ACACA: variants seen among roughly 807,000 people sequenced by gnomAD.
ACACA encodes acetyl-CoA carboxylase 1.
In ACACA, 103 loss-of-function variants were observed where a neutral mutation model predicts 296.1. The ratio of observed to expected loss-of-function variants is 0.35; its 90% CI spans 0.30 to 0.41. The LOEUF is 0.41. ACACA is among the 10% of genes least tolerant of loss of function. ACACA has a pLI of 1.00. For missense variants in ACACA, 1,554 were observed against 2,989.7 expected (o/e 0.52, Z 11.20); for synonymous variants, 953 against 1,038.6 (o/e 0.92, Z 1.58).
At chr17:37,098,777 G>A (rs374332237) in intron 52 of ACACA, among the ~76,000 whole-genome samples, 28 of 152,302 alleles carry the variant, frequency 1.8e-4, no homozygotes, top group African/African-American at 3.1e-4. Context: ...CACTGCGCAC[G>A]GTACCCTGAC....
intron 21 of ACACA, among the ~76,000 whole-genome samples, 169 bp downstream of exon 21, chr17:37,244,419 T>C (rs577738242): frequency 2.0e-5 from 3 of 151,390 alleles, no homozygotes; most frequent in African/African-American, 7.3e-5. Flanking sequence ...ATGACAAGGA[T>C]AAGAAACATG....
intron 45 of ACACA, among the ~76,000 whole-genome samples, chr17:37,148,613 T>A (rs1421925849): frequency 6.6e-6 from 1 of 152,240 alleles, no homozygotes; most frequent in Non-Finnish European, 1.5e-5. Flanking sequence ...GGAGTAAACA[T>A]AATATCTGAT....
chr17:37,237,897 G>C (rs968002762), intron 24 of ACACA, among the ~76,000 whole-genome samples: 6 of 152,050 alleles, frequency 3.9e-5, no homozygotes, highest in African/African-American at 1.2e-4. Context: ...AAGAAGCTAG[G>C]ACTACAGGCA....
chr17:37,258,381 G>C lies in ACACA; in HGVS notation c.1501-8C>G. 3 of 1,613,520 alleles carry C rather than the reference G, an allele frequency of 1.9e-6. No homozygotes were observed. Among genetic ancestry groups the C allele is most frequent in the Non-Finnish European group, 2.5e-6 (3 of 1,179,534 alleles). ...AGGAATCCCCATGGCAATCTGAAAG[G>C]TAATAAAACACACATCTTTAATTTT... On this transcript the variant is annotated splice_polypyrimidine_tract_variant and splice_region_variant and intron_variant, in intron 12 of 55. Transcript: ENST00000616317.
chr17:37,279,214 A>G (rs1190556925), intron 5 of ACACA, among the ~76,000 whole-genome samples: 3 of 152,214 alleles, frequency 2.0e-5, no homozygotes, highest in African/African-American at 7.2e-5. Context: ...TCTACTAAAA[A>G]AAATTCCGCT....
chr17:37,087,252 G>T lies in ACACA; in HGVS notation c.*64C>A. ...GTGCCTTCTCATTACAGTGGTTACAGTTGTAAAAGGCAGCTCTAGCCCTTT... is the reference window on the plus strand; with the variant it reads ...GTGCCTTCTCATTACAGTGGTTACATTTGTAAAAGGCAGCTCTAGCCCTTT... On this transcript the variant is annotated 3_prime_UTR_variant, in exon 56 of 56. Transcript: ENST00000616317. 6.2e-7 allele frequency: 1 copy of T among 1,608,840 alleles called. No individual in the cohort carries two copies. Among genetic ancestry groups the T allele is most frequent in the East Asian group, 2.2e-5 (1 of 44,864 alleles).
In ACACA at chr17:37,277,071, A is replaced by C. The variant is rs760038623; in HGVS notation, c.764T>G (p.Leu255Arg). 6.2e-7 allele frequency: 1 copy of C among 1,614,142 alleles called. No homozygotes were observed. Among genetic ancestry groups the C allele is most frequent in the Non-Finnish European group, 8.5e-7 (1 of 1,179,998 alleles). The change falls in exon 7 of 56, where the codon CTA (leucine) becomes CGA (arginine). Residue 255 changes from leucine to arginine, a missense_variant. By Grantham distance (102) the Leu-to-Arg change is moderately radical (BLOSUM62 -2). Coordinates refer to ENST00000616317, the MANE Select transcript of ACACA (RefSeq NM_198834.3). ...GCCATTTTTCAAGAGAAGTTCCGGT[A>C]GTTTGGGATTCTCAGAAGCATGACC... The part of the protein sequence containing the change: ...GWGHASENPK[L>R]PELLLKNGIA...
At position 37,297,267 on chromosome 17, in the gene ACACA, C is replaced by A. The variant is rs560470070; in HGVS notation, c.339-12297G>T. On this transcript the variant is annotated intron_variant, in intron 3 of 55. Transcript: ENST00000616317. ...GACCAGTCTGACCAACATGGAGAAACCCCATCTCTACTAAAAATACAAAAT... is the reference window on the plus strand; with the variant it reads ...GACCAGTCTGACCAACATGGAGAAAACCCATCTCTACTAAAAATACAAAAT... Among the ~76,000 whole-genome samples, 5 of 151,072 alleles carry A rather than the reference C, an allele frequency of 3.3e-5. No homozygotes were observed. In the East Asian group the frequency reaches 8.2e-4, roughly 25 times the overall value.
chr17:37,232,259 A>G (rs1185830893), intron 25 of ACACA, among the ~76,000 whole-genome samples: 1 of 152,190 alleles, frequency 6.6e-6, no homozygotes, highest in Non-Finnish European at 1.5e-5. Context: ...AAAGCATACT[A>G]TCAACATTCC....
intron 3 of ACACA, among the ~76,000 whole-genome samples, chr17:37,291,728 C>CCATT (rs1482836517): frequency 6.6e-6 from 1 of 152,120 alleles, no homozygotes; most frequent in Admixed American, 6.5e-5. Context: ...GTCATACTAA[C>CCATT]CATTACAAAT....
At chr17:37,161,181 G>A (rs1304166785) in intron 42 of ACACA, among the ~76,000 whole-genome samples, 4 of 152,244 alleles carry the variant, frequency 2.6e-5, no homozygotes, top group African/African-American at 9.6e-5. Context: ...GAAACACAAG[G>A]AGCAGTATGG....
chr17:37,174,681 C>T (rs552753290), intron 41 of ACACA, among the ~76,000 whole-genome samples: 64 of 151,974 alleles, frequency 4.2e-4, no homozygotes, highest in South Asian at 8.3e-4. Flanking sequence ...TACAGGCACC[C>T]GCCACCACGC....
At chr17:37,198,838 T>C (rs1487710296) in intron 35 of ACACA, among the ~76,000 whole-genome samples, 1 of 152,164 alleles carries the variant, frequency 6.6e-6, no homozygotes, top group Non-Finnish European at 1.5e-5. Context: ...ATAAAAGCAA[T>C]CACACATAGG....
chr17:37,268,745 A>ATCTATCTATC lies in ACACA; in HGVS notation c.1119+2005_1119+2006insGATAGATAGA, dbSNP rs750854724. 1.6e-3 allele frequency among the ~76,000 whole-genome samples: 186 copies of ATCTATCTATC among 113,014 alleles called. 1 individual carries two copies. The highest frequency in any genetic ancestry group is 5.3e-3 in the African/African-American group (177 of 33,164). The allele number at this position is 113,014 out of a possible 152,430, so 74.1% of individuals were successfully genotyped here. On this transcript the variant is annotated intron_variant, in intron 10 of 55. Transcript: ENST00000616317. ...TCTATCTATCTATCTATCTATCTAT[A>ATCTATCTATC]TATATATATATATATATATATATCT...
chr17:37,373,180 AC>A (rs2049868217), intron 1 of ACACA, among the ~76,000 whole-genome samples: 1 of 151,022 alleles, frequency 6.6e-6, no homozygotes, highest in African/African-American at 2.4e-5. Flanking sequence ...TGCCCGGCCT[AC>A]TCCTGGATAT....
intron 2 of ACACA, among the ~76,000 whole-genome samples, chr17:37,334,485 C>T (rs981675943): frequency 1.6e-4 from 25 of 152,050 alleles, no homozygotes; most frequent in Non-Finnish European, 1.3e-4. Flanking sequence ...TCTACCCTAA[C>T]GGCAGTTAAA....
intron 11 of ACACA, among the ~76,000 whole-genome samples, chr17:37,262,104 G>T (rs2081540475): frequency 6.6e-6 from 1 of 152,080 alleles, no homozygotes. Flanking sequence ...TAGGAAAAAG[G>T]ATAAAGGGAT....
chr17:37,134,480 A>AT (rs1446123131), intron 45 of ACACA, among the ~76,000 whole-genome samples: 9 of 152,176 alleles, frequency 5.9e-5, no homozygotes, highest in Non-Finnish European at 7.4e-5. Flanking sequence ...ACTTAGCTCA[A>AT]TTTTTTAAAA....
intron 29 of ACACA, among the ~76,000 whole-genome samples, chr17:37,212,699 C>T (rs572110026): frequency 6.6e-6 from 1 of 151,046 alleles, no homozygotes; most frequent in East Asian, 1.9e-4. Context: ...CTATGTTGCC[C>T]AGGCTAGTCT....
Sources: gnomAD v4.1 joint callset for allele counts (sites outside exome capture counted in the v4.1 genomes callset) on GRCh38, gnomAD v4.1.1 for gene constraint, MANE v1.5 for transcripts, NCBI Gene and HGNC (gene_info 2026-07-23, HGNC 2026-07-21) for gene names.